The following SLC24A4 variants were observed in gnomAD, a reference collection of about 807,000 sequenced individuals.
The protein encoded by SLC24A4 is sodium/potassium/calcium exchanger 4.
A neutral mutation model predicts 79.0 loss-of-function variants in SLC24A4; 53 were observed. That is an observed-to-expected ratio of 0.67 (90% CI 0.54 to 0.84). The LOEUF is 0.84. SLC24A4 is among the 40% of genes least tolerant of loss of function. SLC24A4 has a pLI of 0.00. For missense variants in SLC24A4, 731 were observed against 822.0 expected (o/e 0.89, Z 1.35); for synonymous variants, 323 against 323.8 (o/e 1.00, Z 0.03).
intron 14 of SLC24A4, among the ~76,000 whole-genome samples, chr14:92,489,931 T>C (rs959955369): frequency 6.6e-6 from 1 of 152,174 alleles, no homozygotes; most frequent in African/African-American, 2.4e-5. Flanking sequence ...TACCGGACAC[T>C]GACAGACCAG....
rs1455564291 is a variant in SLC24A4 at position 92,497,383 on chromosome 14, C to T, written c.*3755C>T. 6.6e-6 allele frequency: 1 copy of T among 152,236 alleles called. No homozygotes were observed. Among genetic ancestry groups the T allele is most frequent in the Admixed American group, 6.5e-5 (1 of 15,270 alleles). 9.4% of individuals were successfully genotyped at this position (152,236 alleles called of 1,614,324 possible). A position where few individuals can be genotyped will look rare whatever the true frequency, so the allele number is the denominator to read the frequency against. The stretch of plus-strand genomic sequence containing the variant: ...AGCAGGAGCCCATCTCTCAGAGAAC[C>T]CGGACTCCCCAAGCAGACTGGGATT... On this transcript the variant is annotated 3_prime_UTR_variant, in exon 17 of 17. Coordinates refer to ENST00000532405, the MANE Select transcript of SLC24A4 (RefSeq NM_153646.4).
In SLC24A4 at chr14:92,493,491, C is replaced by CG; in HGVS notation, c.1732_1733insG (p.Leu578ArgfsTer31). 1.2e-6 allele frequency: 2 copies of CG among 1,614,242 alleles called. No homozygotes were observed. The highest frequency in any genetic ancestry group is 1.7e-6 in the Non-Finnish European group (2 of 1,180,036). On this transcript the variant is annotated frameshift_variant, in exon 17 of 17. Coordinates refer to ENST00000532405, the MANE Select transcript of SLC24A4 (RefSeq NM_153646.4). LOFTEE classifies it high-confidence loss of function. ...GTCCTCCCAGGTCCTCGGCATCCAC[C>CG]TAAACAAGTGGCGACTGGACCGGAA... is the stretch of plus-strand genomic sequence containing the variant.
chr14:92,438,489 G>A (rs541326103), intron 3 of SLC24A4, among the ~76,000 whole-genome samples: 1 of 152,046 alleles, frequency 6.6e-6, no homozygotes, highest in South Asian at 2.1e-4. Flanking sequence ...GTGTGGTGGT[G>A]TGCACCTGTA....
At chr14:92,438,903 CT>C (rs1892332746) in intron 3 of SLC24A4, among the ~76,000 whole-genome samples, 1 of 152,210 alleles carries the variant, frequency 6.6e-6, no homozygotes. Flanking sequence ...CTCATCCTGC[CT>C]TGGTCTTTCT....
chr14:92,342,695 A>G (rs530089145), intron 2 of SLC24A4, among the ~76,000 whole-genome samples: 70 of 152,302 alleles, frequency 4.6e-4, no homozygotes, highest in Non-Finnish European at 7.8e-4. Context: ...GGAGGTAATG[A>G]TTAAACAACA....
In SLC24A4 at chr14:92,495,036, T is replaced by C. The variant is rs1403548689; in HGVS notation, c.*1408T>C. ...AAAAGTCTATCCGATTTGATGCACTTTGAATATTGAGATATTTTGCACGGA... is the reference window on the plus strand; with the variant it reads ...AAAAGTCTATCCGATTTGATGCACTCTGAATATTGAGATATTTTGCACGGA... On this transcript the variant is annotated 3_prime_UTR_variant, in exon 17 of 17. Transcript: ENST00000532405. 1 of 152,650 alleles carries C rather than the reference T, an allele frequency of 6.6e-6. No individual in the cohort carries two copies. Among genetic ancestry groups the C allele is most frequent in the East Asian group, 1.9e-4 (1 of 5,206 alleles). The allele number at this position is 152,650 out of a possible 1,614,324, so 9.5% of individuals were successfully genotyped here. A position where few individuals can be genotyped will look rare whatever the true frequency, so the allele number is the denominator to read the frequency against.
intron 2 of SLC24A4, among the ~76,000 whole-genome samples, chr14:92,382,077 A>G (rs1253849587): frequency 1.3e-5 from 2 of 152,112 alleles, no homozygotes; most frequent in African/African-American, 2.4e-5. Flanking sequence ...CCCTAGTGAC[A>G]ATCTGCATTC....
intron 2 of SLC24A4, among the ~76,000 whole-genome samples, chr14:92,407,546 A>G (rs563097000): frequency 1.2e-3 from 182 of 152,302 alleles, no homozygotes; most frequent in African/African-American, 4.3e-3. Context: ...TCTGTGGCTT[A>G]ACAGGAAGCA....
At chr14:92,377,269 A>G (rs2141702077) in intron 2 of SLC24A4, among the ~76,000 whole-genome samples, 1 of 152,394 alleles carries the variant, frequency 6.6e-6, no homozygotes, top group Non-Finnish European at 1.5e-5. Context: ...ACCAAATGGT[A>G]GAAGATGTGT....
Position 92,474,859 on chromosome 14 carries a change from ATATATTT to A in SLC24A4, c.1256-7819_1256-7813del, listed in dbSNP as rs1566795755. Among the ~76,000 whole-genome samples, 10 of 58,574 alleles carry A rather than the reference ATATATTT, an allele frequency of 1.7e-4. No individual in the cohort carries two copies. In the South Asian group the frequency reaches 4.8e-3, roughly 28 times the overall value. 38.4% of individuals were successfully genotyped at this position (58,574 alleles called of 152,430 possible). On this transcript the variant is annotated intron_variant, in intron 12 of 16. Transcript: ENST00000532405. ...TGTGTGTGTGTATATATATATATAT[ATATATTT>A]TTTTTTTTTTTAGTAGACACAGGGT... is the stretch of plus-strand genomic sequence containing the variant.
rs1895822685 is a variant in SLC24A4 at position 92,493,635 on chromosome 14, G to C, written c.*7G>C. On this transcript the variant is annotated 3_prime_UTR_variant, in exon 17 of 17. Transcript: ENST00000532405. ...GTGCCGGGAAGACGATTAGCGCTGA[G>C]TCGCGGCCCCTGGGAGCTGATCTGG... 1 of 1,613,842 alleles carries C rather than the reference G, an allele frequency of 6.2e-7. No homozygotes were observed. The highest frequency in any genetic ancestry group is 1.3e-5 in the African/African-American group (1 of 74,936).
chr14:92,491,718 C>T lies in SLC24A4; in HGVS notation c.1591C>T (p.Leu531=). Residue 531 remains leucine (L), a synonymous_variant, in exon 15 of 17, where the codon CTG becomes TTG. Coordinates refer to ENST00000532405, the MANE Select transcript of SLC24A4 (RefSeq NM_153646.4). The part of the protein sequence containing the change: ...NTIGSNVFDI[L]VGLGVPWGLQ... The stretch of plus-strand genomic sequence containing the variant: ...CATAGGAAGCAACGTGTTTGACATC[C>T]TGGTAGGACTTGGTGTACCGTGGGG... The T allele has an allele frequency of 1.2e-6, 2 of 1,613,996 alleles. No homozygotes were observed. The highest frequency in any genetic ancestry group is 1.7e-6 in the Non-Finnish European group (2 of 1,179,886).
chr14:92,492,140 CAA>C, intron 15 of SLC24A4, 33 bp from the exon 16 acceptor site: 3 of 1,601,204 alleles, frequency 1.9e-6, no homozygotes, highest in Non-Finnish European at 2.6e-6. Flanking sequence ...TCTGAGCAGT[CAA>C]GAGACTCAGG....
chr14:92,392,683 A>G (rs975918783), intron 2 of SLC24A4, among the ~76,000 whole-genome samples: 4 of 152,172 alleles, frequency 2.6e-5, no homozygotes, highest in African/African-American at 9.7e-5. Context: ...CAAATGTTGA[A>G]TCTTTATCTC....
chr14:92,393,034 G>A (rs1219400776), intron 2 of SLC24A4, among the ~76,000 whole-genome samples: 1 of 152,238 alleles, frequency 6.6e-6, no homozygotes, highest in Admixed American at 6.5e-5. Context: ...CTCTTCCACT[G>A]TGTGAGGTCA....
At chr14:92,425,166 T>C (rs1414511536) in intron 2 of SLC24A4, among the ~76,000 whole-genome samples, 1 of 152,228 alleles carries the variant, frequency 6.6e-6, no homozygotes, top group African/African-American at 2.4e-5. Flanking sequence ...GGTGGCTATC[T>C]ACAAGCTAGG....
chr14:92,347,109 A>G (rs750506938), intron 2 of SLC24A4, among the ~76,000 whole-genome samples: 120 of 152,314 alleles, frequency 7.9e-4, no homozygotes, highest in Non-Finnish European at 1.4e-3. Context: ...AATCGACTCT[A>G]TATTCTTATT....
At chr14:92,345,071 G>C (rs1886448512) in intron 2 of SLC24A4, among the ~76,000 whole-genome samples, 1 of 152,198 alleles carries the variant, frequency 6.6e-6, no homozygotes. Context: ...AGAGTGCAGG[G>C]TGGGCCCAAT....
intron 3 of SLC24A4, 30 bp from the exon 4 acceptor site, chr14:92,439,305 G>T: frequency 1.2e-6 from 2 of 1,601,142 alleles, no homozygotes; most frequent in South Asian, 2.2e-5. Context: ...GACCCTCACC[G>T]ACCCTGCCTG....
Sources: allele counts gnomAD v4.1 joint callset (sites outside exome capture counted in the v4.1 genomes callset), GRCh38; gene constraint gnomAD v4.1.1; transcripts MANE v1.5; gene names NCBI Gene and HGNC (gene_info 2026-07-23, HGNC 2026-07-21).